The following GAPDHS variants were observed in gnomAD, a reference collection of about 807,000 sequenced individuals.
The protein encoded by GAPDHS is glyceraldehyde-3-phosphate dehydrogenase, spermatogenic.
Under a neutral mutation model 48.7 loss-of-function variants are expected in GAPDHS, and 42 were observed. The observed-to-expected ratio is 0.86, with a 90% CI of 0.67 to 1.12. The LOEUF is 1.12. Ranked by LOEUF, GAPDHS falls within the 50% of genes most tolerant of loss-of-function variation. GAPDHS has a pLI of 0.00. For missense variants in GAPDHS, 512 were observed against 557.7 expected, an observed-to-expected ratio of 0.92 and a Z score of 0.82; for synonymous variants, 166 against 219.1, an observed-to-expected ratio of 0.76 and a Z score of 2.14.
In GAPDHS at chr19:35,542,528, C is replaced by T. The variant is rs150278933; in HGVS notation, c.579C>T (p.Ser193=). ...ISAGAQRVVI[S]APSPDAPMFV... ...CAGGTGCTCAACGTGTGGTCATCTCCGCGCCCTCACCGGATGCACCAATGT... is the reference window on the plus strand; with the variant it reads ...CAGGTGCTCAACGTGTGGTCATCTCTGCGCCCTCACCGGATGCACCAATGT... The change falls in exon 6 of 11, where the codon TCC becomes TCT. Residue 193 remains serine, a synonymous_variant. Transcript: ENST00000222286. 299 of 1,613,916 alleles carry T rather than the reference C, an allele frequency of 1.9e-4. 5 individuals are homozygous for T. In the African/African-American group the frequency reaches 1.9e-3, roughly 11 times the overall value.
At position 35,536,881 on chromosome 19, in the gene GAPDHS, C is replaced by A; in HGVS notation, c.136C>A (p.Pro46Thr). 3.1e-6 allele frequency: 5 copies of A among 1,614,040 alleles called. No individual in the cohort carries two copies. The highest frequency in any genetic ancestry group is 4.2e-6 in the Non-Finnish European group (5 of 1,179,908). ...VEPQPQPEPT[P>T]VREEIKPPPP... ...GCCCCAGCCACAACCAGAGCCCACA[C>A]CAGTCAGGGAGGAAATAAAGCCACC... Residue 46 changes from proline (P) to threonine (T), a missense_variant, in exon 2 of 11, where the codon CCA (proline) becomes ACA (threonine). Physicochemically the swap from Pro to Thr is conservative, Grantham distance 38. Transcript: ENST00000222286.
chr19:35,537,576 C>A (rs573658524), intron 2 of GAPDHS, among the ~76,000 whole-genome samples: 2 of 152,130 alleles, frequency 1.3e-5, no homozygotes, highest in Non-Finnish European at 2.9e-5. Context: ...TGCCAAGAGA[C>A]GTAATCTGTC....
rs755286941 is a variant in GAPDHS, at chr19:35,533,602, A to G, written c.67+8A>G. 1.9e-6 allele frequency: 3 copies of G among 1,607,394 alleles called. No homozygotes were observed. ...TGCGACAGCCGTGCCCGGGTGAGGG[A>G]GGCAGCGGAGGGCGCGGGGGAGGGG... On this transcript the variant is annotated splice_region_variant and intron_variant, in intron 1 of 10. Coordinates refer to ENST00000222286, the MANE Select transcript of GAPDHS (RefSeq NM_014364.5).
chr19:35,543,011 C>T lies in GAPDHS; in HGVS notation c.726C>T (p.Ile242=), dbSNP rs1056207013. 1.9e-6 allele frequency: 3 copies of T among 1,612,818 alleles called. No individual in the cohort carries two copies. The highest frequency in any genetic ancestry group is 2.7e-5 in the African/African-American group (2 of 74,878). Residue 242 remains isoleucine, a synonymous_variant, in exon 7 of 11, where the codon ATC becomes ATT. Coordinates refer to ENST00000222286, the MANE Select transcript of GAPDHS (RefSeq NM_014364.5). ...AAGTCATCCACGAGCGATTTGGGAT[C>T]GTGGAAGGGTTGATGGTGAGTTGAG... The part of the protein sequence containing the change: ...LAKVIHERFG[I]VEGLMTTVHS...
At chr19:35,539,748 C>G (rs2071489181) in intron 4 of GAPDHS, among the ~76,000 whole-genome samples, 1 of 152,088 alleles carries the variant, frequency 6.6e-6, no homozygotes, top group African/African-American at 2.4e-5. Context: ...GGGGCAGAGA[C>G]TGGAGAGTCA....
Position 35,543,044 on chromosome 19 carries a change from G to T in GAPDHS, c.741+18G>T, listed in dbSNP as rs763330826. The T allele has an allele frequency of 6.3e-7, 1 of 1,578,770 alleles. No homozygotes were observed. Among genetic ancestry groups the T allele is most frequent in the Non-Finnish European group, 8.7e-7 (1 of 1,147,714 alleles). ...GGTTGATGGTGAGTTGAGGATGAGG[G>T]GCTGGGGCAGGAAGGATGGCAGGGA... On this transcript the variant is annotated intron_variant, in intron 7 of 10. Coordinates refer to ENST00000222286, the MANE Select transcript of GAPDHS (RefSeq NM_014364.5).
At chr19:35,534,302 C>T (rs1600128700) in intron 1 of GAPDHS, among the ~76,000 whole-genome samples, 2 of 152,150 alleles carry the variant, frequency 1.3e-5, no homozygotes, top group African/African-American at 2.4e-5. Flanking sequence ...GGGCGGGGGC[C>T]GCAGGGGTAG....
Position 35,542,580 on chromosome 19 carries a change from T to C in GAPDHS, c.631T>C (p.Tyr211His). The C allele has an allele frequency of 1.2e-6, 2 of 1,612,512 alleles. No homozygotes were observed. Among genetic ancestry groups the C allele is most frequent in the Non-Finnish European group, 1.7e-6 (2 of 1,178,532 alleles). Residue 211 changes from tyrosine to histidine, a missense_variant, in exon 6 of 11, where the codon TAT (tyrosine) becomes CAT (histidine). Tyr to His is a moderately conservative substitution (Grantham distance 83). Coordinates refer to ENST00000222286, the MANE Select transcript of GAPDHS (RefSeq NM_014364.5). Reference protein sequence around the residue: ...MFVMGVNENDYNPGSMNIVSN... With the variant: ...MFVMGVNENDHNPGSMNIVSN... ...CGTCATGGGTGTCAATGAAAATGAC[T>C]ATAACCCTGGCTCCATGAACATTGT... is the stretch of plus-strand genomic sequence containing the variant.
chr19:35,543,100 G>GT, intron 7 of GAPDHS, 74 bp downstream of exon 7: 1 of 1,223,768 alleles, frequency 8.2e-7, no homozygotes, highest in South Asian at 1.2e-5. Context: ...CTTGCTTACT[G>GT]TATGGAGTTA....
At chr19:35,543,957 A>G (rs2071525715) in intron 9 of GAPDHS, 130 bp downstream of exon 9, 1 of 1,420,424 alleles carries the variant, frequency 7.0e-7, no homozygotes, top group Non-Finnish European at 9.2e-7. Context: ...TCCCTGCCTC[A>G]GGGCCTTTGC....
chr19:35,537,275 A>G (rs1205310775), intron 2 of GAPDHS, among the ~76,000 whole-genome samples: 1 of 152,206 alleles, frequency 6.6e-6, no homozygotes. Context: ...GCCAGTGATC[A>G]GGGAAGGCCT....
At chr19:35,534,921 C>G (rs908888370) in intron 1 of GAPDHS, among the ~76,000 whole-genome samples, 1 of 151,968 alleles carries the variant, frequency 6.6e-6, no homozygotes, top group South Asian at 2.1e-4. Flanking sequence ...CCCACTACCC[C>G]CTTCCAGCCC....
Position 35,543,409 on chromosome 19 carries a change from G to T in GAPDHS, c.811G>T (p.Gly271Trp). The T allele has an allele frequency of 6.2e-7, 1 of 1,611,918 alleles. No homozygotes were observed. Among genetic ancestry groups the T allele is most frequent in the South Asian group, 1.1e-5 (1 of 90,836 alleles). The change falls in exon 8 of 11, where the codon GGG (glycine) becomes TGG (tryptophan). Residue 271 changes from glycine to tryptophan, a missense_variant. Physicochemically the swap from Gly to Trp is radical, Grantham distance 184. Transcript: ENST00000222286. ...GCCATCAAGGAAGGCCTGGCGAGAT[G>T]GGCGGGGTGCCCACCAGAACATCAT... ...DGPSRKAWRD[G>W]RGAHQNIIPA...
rs147447003 is a variant in GAPDHS, at chr19:35,536,651, T to C, written c.68-162T>C. 1.3e-3 allele frequency: 754 copies of C among 574,026 alleles called. 2 individuals carry two copies. Among genetic ancestry groups the C allele is most frequent in the Non-Finnish European group, 1.9e-3 (613 of 319,042 alleles). The allele number at this position is 574,026 out of a possible 1,614,324, so 35.6% of individuals were successfully genotyped here. A position where few individuals can be genotyped will look rare whatever the true frequency, so the allele number is the denominator to read the frequency against. ...GAAAGAGCCCTTGGGATTGACATTT[T>C]AAACAAGTTCATTCTGTAGAGAAAG... is the stretch of plus-strand genomic sequence containing the variant. On this transcript the variant is annotated intron_variant, in intron 1 of 10. Transcript: ENST00000222286.
At chr19:35,535,479 G>T (rs1316866707) in intron 1 of GAPDHS, among the ~76,000 whole-genome samples, 2 of 151,678 alleles carry the variant, frequency 1.3e-5, no homozygotes, top group African/African-American at 4.9e-5. Context: ...CCGCCTCCTG[G>T]GTTCAAGCGA....
intron 4 of GAPDHS, among the ~76,000 whole-genome samples, chr19:35,539,439 T>C (rs1711776057): frequency 6.6e-6 from 1 of 152,184 alleles, no homozygotes; most frequent in South Asian, 2.1e-4. Flanking sequence ...AAGGGCTACA[T>C]TCAGTTAGTT....
In GAPDHS at chr19:35,542,147, G is replaced by C. The variant is rs1167739361; in HGVS notation, c.450-172G>C. ...GTCTGAAGTGGGGCAGTGGTGAAAA[G>C]CTAGGCCAGCGGGGTGGAGCCCATC... On this transcript the variant is annotated intron_variant, in intron 4 of 10. Coordinates refer to ENST00000222286, the MANE Select transcript of GAPDHS (RefSeq NM_014364.5). The C allele has an allele frequency of 6.6e-6, 4 of 609,262 alleles. No homozygotes were observed. The Admixed American group carries it at 1.1e-4, about 16-fold the overall frequency. The allele number at this position is 609,262 out of a possible 1,614,324, so 37.7% of individuals were successfully genotyped here.
chr19:35,544,510 G>A (rs527879384), intron 9 of GAPDHS: 1 of 211,272 alleles, frequency 4.7e-6, no homozygotes, highest in Admixed American at 5.1e-5. Flanking sequence ...AAAACCCTCA[G>A]GTCCTCCCTT....
Position 35,542,482 on chromosome 19 carries a change from C to A in GAPDHS, c.541-8C>A. 6.2e-7 allele frequency: 1 copy of A among 1,609,304 alleles called. No homozygotes were observed. The highest frequency in any genetic ancestry group is 8.5e-7 in the Non-Finnish European group (1 of 1,175,694). Reference sequence around the variant, plus strand: ...CAGAAGCCCCTGACACCTGCGCTTCCTCCCCAGGACCACATCTCTGCAGGT... The same window carrying A: ...CAGAAGCCCCTGACACCTGCGCTTCATCCCCAGGACCACATCTCTGCAGGT... On this transcript the variant is annotated splice_polypyrimidine_tract_variant and splice_region_variant and intron_variant, in intron 5 of 10. Transcript: ENST00000222286.
Sources: gnomAD v4.1 joint callset for allele counts (sites outside exome capture counted in the v4.1 genomes callset) on GRCh38, gnomAD v4.1.1 for gene constraint, MANE v1.5 for transcripts, NCBI Gene and HGNC (gene_info 2026-07-23, HGNC 2026-07-21) for gene names.